The following NECAB2 variants were observed in gnomAD, a reference collection of about 807,000 sequenced individuals.
NECAB2 encodes N-terminal EF-hand calcium-binding protein 2.
A neutral mutation model predicts 51.9 loss-of-function variants in NECAB2; 68 were observed. That is an observed-to-expected ratio of 1.31 (90% CI 1.08 to 1.60). The LOEUF is 1.60. NECAB2 is among the 40% of genes most tolerant of loss of function. The pLI is 0.00. For synonymous variants in NECAB2, 329 were observed against 203.5 expected, an observed-to-expected ratio of 1.62 and a Z score of -5.25; for missense variants, 854 against 490.3, an observed-to-expected ratio of 1.74 and a Z score of -7.00.
At position 84,002,431 on chromosome 16, in the gene NECAB2, G is replaced by GTGCAGAA; in HGVS notation, c.*86_*92dup. 6.6e-7 allele frequency: 1 copy of GTGCAGAA among 1,505,258 alleles called. No individual in the cohort carries two copies. Among genetic ancestry groups the GTGCAGAA allele is most frequent in the Non-Finnish European group, 9.2e-7 (1 of 1,085,108 alleles). The allele number at this position is 1,505,258 out of a possible 1,614,324, so 93.2% of individuals were successfully genotyped here. On this transcript the variant is annotated 3_prime_UTR_variant, in exon 13 of 13. Coordinates refer to ENST00000305202, the MANE Select transcript of NECAB2 (RefSeq NM_019065.3). ...CGTTTTTTTCTAGACAGACACTTTGGTGCAGAAGCTTCTTTTCAATCCATC... is the reference window on the plus strand; with the variant it reads ...CGTTTTTTTCTAGACAGACACTTTGGTGCAGAATGCAGAAGCTTCTTTTCAATCCATC...
chr16:83,998,949 C>G lies in NECAB2; in HGVS notation c.962+632C>G, dbSNP rs149537212. Among the ~76,000 whole-genome samples the G allele has an allele frequency of 3.3e-5, 5 of 152,270 alleles. No individual in the cohort carries two copies. In the East Asian group the frequency reaches 9.7e-4, roughly 29 times the overall value. The stretch of plus-strand genomic sequence containing the variant: ...GGAGGGGGTTGCAGAAGACAACAGC[C>G]CTTTGTTCTTGCTGGTAGTGGTCCC... On this transcript the variant is annotated intron_variant, in intron 10 of 12. Coordinates refer to ENST00000305202, the MANE Select transcript of NECAB2 (RefSeq NM_019065.3).
intron 10 of NECAB2, among the ~76,000 whole-genome samples, chr16:83,999,609 C>T (rs902433351): frequency 6.6e-6 from 1 of 152,112 alleles, no homozygotes; most frequent in African/African-American, 2.4e-5. Context: ...TTTATGGTCA[C>T]TTGGGGCTTC....
rs370346096 is a variant in NECAB2, at chr16:83,990,479, C to G, written c.460-15C>G. ...CACCCCTTTCCCCTCAGTGCCTCTTCTCTTCCTTCCACAGGTATATGAGGG... is the reference window on the plus strand; with the variant it reads ...CACCCCTTTCCCCTCAGTGCCTCTTGTCTTCCTTCCACAGGTATATGAGGG... On this transcript the variant is annotated splice_polypyrimidine_tract_variant and intron_variant, in intron 5 of 12. Transcript: ENST00000305202. 8.7e-6 allele frequency: 14 copies of G among 1,613,574 alleles called. No individual in the cohort carries two copies. The South Asian group carries it at 1.2e-4, about 14-fold the overall frequency.
At chr16:83,985,634 A>G (rs1179276855) in intron 5 of NECAB2, among the ~76,000 whole-genome samples, 1 of 151,180 alleles carries the variant, frequency 6.6e-6, no homozygotes, top group East Asian at 1.9e-4. Flanking sequence ...TCTCCATCTC[A>G]GAAAAAAAAA....
chr16:83,999,982 G>A (rs999094051), intron 10 of NECAB2, among the ~76,000 whole-genome samples: 2 of 152,178 alleles, frequency 1.3e-5, no homozygotes, highest in East Asian at 1.9e-4. Flanking sequence ...TCACCAGAGG[G>A]TTTAAATGAG....
rs1348502080 is a variant in NECAB2, at chr16:83,968,393, C to G, written c.-256C>G. Among the ~76,000 whole-genome samples the G allele has an allele frequency of 6.7e-6, 1 of 149,834 alleles. No homozygotes were observed. The highest frequency in any genetic ancestry group is 1.5e-5 in the Non-Finnish European group (1 of 67,326). ...GCCCCCTCTGTGGCTGCGCCCGCGCCCCTCGCCCCGGCGGGCAGTCCTCAG... is the reference window on the plus strand; with the variant it reads ...GCCCCCTCTGTGGCTGCGCCCGCGCGCCTCGCCCCGGCGGGCAGTCCTCAG... On this transcript the variant is annotated 5_prime_UTR_variant, in exon 1 of 13. Transcript: ENST00000305202.
chr16:83,978,691 G>C lies in NECAB2; in HGVS notation c.335+139G>C, dbSNP rs1357147580. On this transcript the variant is annotated intron_variant, in intron 3 of 12. Transcript: ENST00000305202. ...CCCAAATTTGCTAATCCAGAAGTCA[G>C]CTCTTCACTGCCTGGGGTGAATGGG... 9.0e-6 allele frequency: 6 copies of C among 668,576 alleles called. No homozygotes were observed. In the South Asian group the frequency reaches 1.1e-4, roughly 12 times the overall value. The allele number at this position is 668,576 out of a possible 1,614,324, so 41.4% of individuals were successfully genotyped here. A position where few individuals can be genotyped will look rare whatever the true frequency, so the allele number is the denominator to read the frequency against.
At chr16:83,990,407 A>G in intron 5 of NECAB2, 87 bp from the exon 6 acceptor site, 2 of 1,521,604 alleles carry the variant, frequency 1.3e-6, no homozygotes, top group Admixed American at 1.8e-5. Flanking sequence ...CACCAGCACC[A>G]GCTTTCCCCC....
rs112281118 is a variant in NECAB2 at position 83,999,339 on chromosome 16, C to G, written c.962+1022C>G. On this transcript the variant is annotated intron_variant, in intron 10 of 12. Coordinates refer to ENST00000305202, the MANE Select transcript of NECAB2 (RefSeq NM_019065.3). The stretch of plus-strand genomic sequence containing the variant: ...AGCAGGGGCCAGACTTGATCTTTTT[C>G]CATTACGTGAATAAGTGGGAGGCTC... 1.2e-3 allele frequency among the ~76,000 whole-genome samples: 184 copies of G among 152,294 alleles called. 1 individual carries two copies. Among genetic ancestry groups the G allele is most frequent in the African/African-American group, 4.4e-3 (181 of 41,560 alleles).
chr16:83,985,787 C>A (rs2084545278), intron 5 of NECAB2, among the ~76,000 whole-genome samples: 1 of 151,960 alleles, frequency 6.6e-6, no homozygotes, highest in Admixed American at 6.6e-5. Context: ...AGAAAGGTTT[C>A]TACTCTATTT....
upstream of NECAB2, among the ~76,000 whole-genome samples, chr16:83,968,160 C>G (rs373646869): frequency 6.6e-6 from 1 of 151,220 alleles, no homozygotes; most frequent in South Asian, 2.1e-4. Context: ...GCGGGCGTGA[C>G]GGGGCCGCGG....
At chr16:84,001,636 G>GCTCACTGCCCACCCCAGAGTCAGCCTC (rs1387872645) in intron 11 of NECAB2, among the ~76,000 whole-genome samples, 189 bp from the exon 12 acceptor site, 15 of 152,158 alleles carry the variant, frequency 9.9e-5, no homozygotes, top group Non-Finnish European at 1.5e-4. Context: ...AAAAAGAGAA[G>GCTCACTGCCCACCCCAGAGTCAGCCTC]CTCACTGCCC....
intron 1 of NECAB2, among the ~76,000 whole-genome samples, chr16:83,969,112 A>G (rs1284062142): frequency 2.2e-4 from 33 of 149,094 alleles, no homozygotes; most frequent in African/African-American, 7.5e-4. Flanking sequence ...GCCTGCCCAC[A>G]GTGGGGAGCC....
chr16:83,988,673 A>T (rs1202714810), intron 5 of NECAB2, among the ~76,000 whole-genome samples: 1 of 152,202 alleles, frequency 6.6e-6, no homozygotes, highest in Non-Finnish European at 1.5e-5. Flanking sequence ...TTTGCAGAAA[A>T]GGTGCTCATC....
At chr16:83,990,911 A>G (rs905131478) in intron 6 of NECAB2, among the ~76,000 whole-genome samples, 2 of 152,234 alleles carry the variant, frequency 1.3e-5, no homozygotes, top group Middle Eastern at 6.8e-3. Context: ...CCAGACTCTA[A>G]TTTGTTTTGC....
chr16:83,965,711 C>G (rs2084271151), upstream of NECAB2: 1 of 1,613,556 alleles, frequency 6.2e-7, no homozygotes, highest in Admixed American at 1.7e-5. Context: ...GTTCCAGGAC[C>G]TCGAGGGTGT....
At chr16:83,992,406 A>G (rs1203267580) in intron 6 of NECAB2, among the ~76,000 whole-genome samples, 2 of 132,338 alleles carry the variant, frequency 1.5e-5, no homozygotes, top group African/African-American at 7.1e-5. Context: ...TTGCTGTTTC[A>G]AATTGAGAAA....
chr16:83,998,046 C>T (rs566813808), intron 9 of NECAB2, among the ~76,000 whole-genome samples, 159 bp from the exon 10 acceptor site: 2 of 152,078 alleles, frequency 1.3e-5, no homozygotes, highest in Admixed American at 1.3e-4. Context: ...CTTTCTTAGC[C>T]CATTTTTAGT....
At chr16:83,965,931 T>A (rs751636505), upstream of NECAB2, 1 of 1,612,472 alleles carries the variant, frequency 6.2e-7, no homozygotes, top group East Asian at 2.2e-5. Context: ...GGGGACAACT[T>A]CGTGAGGTTT....
Sources: allele counts gnomAD v4.1 joint callset (sites outside exome capture counted in the v4.1 genomes callset), GRCh38; gene constraint gnomAD v4.1.1; transcripts MANE v1.5; gene names NCBI Gene and HGNC (gene_info 2026-07-23, HGNC 2026-07-21).